The following ASIC2 variants were observed in gnomAD, a reference collection of about 807,000 sequenced individuals.
ASIC2 encodes the protein acid sensing ion channel subunit 2.
Under a neutral mutation model 57.3 loss-of-function variants are expected in ASIC2, and 25 were observed. That is an observed-to-expected ratio of 0.44 (90% CI 0.32 to 0.61). The LOEUF is 0.61. Among genes scored for constraint, ASIC2 ranks in the 20% least tolerant of loss-of-function variants. ASIC2 has a pLI of 0.06. For missense variants in ASIC2, 641 were observed against 738.1 expected (o/e 0.87, Z 1.52); for synonymous variants, 319 against 307.5 (o/e 1.04, Z -0.39).
intron 1 of ASIC2, among the ~76,000 whole-genome samples, chr17:34,018,971 G>A (rs1265861014): frequency 2.0e-5 from 3 of 152,026 alleles, no homozygotes; most frequent in South Asian, 2.1e-4. Flanking sequence ...GCAGTGGCGC[G>A]ATCTTGGCTC....
rs1242288650 is a variant in ASIC2, at chr17:34,019,196, C to T, written c.555+136782G>A. On this transcript the variant is annotated intron_variant, in intron 1 of 9. Coordinates refer to the ASIC2 transcript ENST00000359872. ...GTGCGGGATTACAGGCTTGAGCCAC[C>T]ACGCCTGGCCAAAGTAGATTCTTGA... Among the ~76,000 whole-genome samples, 4 of 152,210 alleles carry T rather than the reference C, an allele frequency of 2.6e-5. No homozygotes were observed. In the East Asian group the frequency reaches 5.8e-4, roughly 22 times the overall value.
chr17:33,414,548 G>T (rs1910772839), intron 1 of ASIC2, among the ~76,000 whole-genome samples: 1 of 152,160 alleles, frequency 6.6e-6, no homozygotes, highest in Non-Finnish European at 1.5e-5. Flanking sequence ...GACCTCTCTG[G>T]AGGGGGTCAA....
At chr17:33,452,643 T>C (rs888297563) in intron 1 of ASIC2, among the ~76,000 whole-genome samples, 1 of 152,074 alleles carries the variant, frequency 6.6e-6, no homozygotes, top group African/African-American at 2.4e-5. Context: ...AATGATGCCA[T>C]GCACGACCTC....
At chr17:33,657,267 A>G (rs895904003) in intron 1 of ASIC2, among the ~76,000 whole-genome samples, 7 of 152,168 alleles carry the variant, frequency 4.6e-5, no homozygotes, top group African/African-American at 1.7e-4. Flanking sequence ...AAGATGCAAC[A>G]CACCGACTGG....
chr17:33,406,912 C>A (rs1197034554), intron 1 of ASIC2, among the ~76,000 whole-genome samples: 4 of 152,132 alleles, frequency 2.6e-5, no homozygotes, highest in Non-Finnish European at 5.9e-5. Flanking sequence ...ATGTTTTGGC[C>A]TTTCTCCAGT....
At chr17:33,516,411 T>TGTGA (rs1446618011) in intron 1 of ASIC2, among the ~76,000 whole-genome samples, 80 of 149,264 alleles carry the variant, frequency 5.4e-4, no homozygotes, top group African/African-American at 1.3e-3. Context: ...AGTGTGAGTG[T>TGTGA]GTGTGTGTGT....
intron 1 of ASIC2, among the ~76,000 whole-genome samples, chr17:33,770,263 G>A (rs973605751): frequency 2.0e-5 from 3 of 152,200 alleles, no homozygotes; most frequent in Admixed American, 1.3e-4. Context: ...ATAATTCAGA[G>A]CAAGCCTTTG....
chr17:33,525,690 G>T (rs1379859962), intron 1 of ASIC2, among the ~76,000 whole-genome samples: 1 of 152,228 alleles, frequency 6.6e-6, no homozygotes, highest in East Asian at 1.9e-4. Flanking sequence ...ATAGCAGAAG[G>T]TCAAGTGTCT....
At chr17:33,065,924 A>G (rs2092041707) in intron 3 of ASIC2, among the ~76,000 whole-genome samples, 1 of 152,190 alleles carries the variant, frequency 6.6e-6, no homozygotes, top group Non-Finnish European at 1.5e-5. Context: ...AGGCCTTTGT[A>G]TGAGATCCTA....
chr17:33,272,151 A>T lies in ASIC2; in HGVS notation c.708+19257T>A, dbSNP rs1597660510. ...TCATGCAGGGCTTCCTGACTACATG[A>T]GCTAATGAGCTAAAGCATCTTACAA... On this transcript the variant is annotated intron_variant, in intron 1 of 9. Transcript: ENST00000225823. Among the ~76,000 whole-genome samples the T allele has an allele frequency of 3.3e-5, 5 of 152,338 alleles. No individual in the cohort carries two copies. The South Asian group carries it at 1.0e-3, about 32-fold the overall frequency.
chr17:33,191,747 C>T (rs1046648074), intron 1 of ASIC2, among the ~76,000 whole-genome samples: 6 of 152,096 alleles, frequency 3.9e-5, no homozygotes, highest in African/African-American at 9.7e-5. Flanking sequence ...ACTCACAATC[C>T]GTCTTACAAA....
chr17:33,084,664 T>TA (rs1164693936), intron 3 of ASIC2, among the ~76,000 whole-genome samples: 1 of 152,222 alleles, frequency 6.6e-6, no homozygotes, highest in Non-Finnish European at 1.5e-5. Flanking sequence ...CCCTACAGCA[T>TA]AATGCCTGGC....
intron 1 of ASIC2, among the ~76,000 whole-genome samples, chr17:33,573,175 A>G (rs1054764945): frequency 2.6e-5 from 4 of 152,214 alleles, no homozygotes; most frequent in Admixed American, 2.6e-4. Flanking sequence ...AGGAATCCAG[A>G]ATAAGATGGA....
At chr17:33,738,793 T>C (rs1910006357) in intron 1 of ASIC2, among the ~76,000 whole-genome samples, 1 of 152,238 alleles carries the variant, frequency 6.6e-6, no homozygotes. Context: ...GCTCTCCCGC[T>C]AGAACAAGGT....
chr17:33,659,871 C>CAAATAAATAAATAAAT (rs145561483), intron 1 of ASIC2, among the ~76,000 whole-genome samples: 1 of 133,288 alleles, frequency 7.5e-6, no homozygotes. Context: ...GACTCTGTCT[C>CAAATAAATAAATAAAT]AAATAAATAA....
At chr17:33,744,377 C>T (rs1910198498) in intron 1 of ASIC2, among the ~76,000 whole-genome samples, 1 of 152,164 alleles carries the variant, frequency 6.6e-6, no homozygotes, top group Non-Finnish European at 1.5e-5. Flanking sequence ...AATACCAAAT[C>T]AGGAAGATAG....
intron 1 of ASIC2, among the ~76,000 whole-genome samples, chr17:33,620,239 T>TG (rs1905742668): frequency 2.3e-5 from 1 of 43,180 alleles, no homozygotes; most frequent in Non-Finnish European, 4.6e-5. Flanking sequence ...CAGAGGAAAA[T>TG]GAAAAAAAAA....
At chr17:33,340,276 C>A (rs1907672472) in intron 1 of ASIC2, among the ~76,000 whole-genome samples, 1 of 152,078 alleles carries the variant, frequency 6.6e-6, no homozygotes. Flanking sequence ...AGGAAAAGAC[C>A]TCTGAGGGTG....
chr17:33,966,883 G>A (rs556166204), intron 1 of ASIC2, among the ~76,000 whole-genome samples: 5 of 152,258 alleles, frequency 3.3e-5, no homozygotes, highest in Admixed American at 6.5e-5. Flanking sequence ...TACATCAGTC[G>A]TTTCCATACA....
Sources: gnomAD v4.1 joint callset for allele counts (sites outside exome capture counted in the v4.1 genomes callset) on GRCh38, gnomAD v4.1.1 for gene constraint, MANE v1.5 for transcripts, NCBI Gene and HGNC (gene_info 2026-07-23, HGNC 2026-07-21) for gene names.